The following NCKAP5 variants were observed in gnomAD, a reference collection of about 807,000 sequenced individuals.
NCKAP5 encodes the protein NCK associated protein 5, also known as nck-associated protein 5.
NCKAP5 carries 92 observed loss-of-function variants against 167.0 expected under a neutral mutation model. The ratio of observed to expected loss-of-function variants is 0.55; its 90% CI spans 0.47 to 0.66. The LOEUF is 0.66. NCKAP5 is among the 30% of genes least tolerant of loss of function. The pLI is 0.00. For synonymous variants in NCKAP5, 891 were observed against 877.4 expected (o/e 1.02, Z -0.27); for missense variants, 2,378 against 2,315.0 (o/e 1.03, Z -0.56).
the NCKAP5 span, among the ~76,000 whole-genome samples, chr2:133,632,322 A>C: frequency 6.6e-6 from 1 of 152,252 alleles, no homozygotes; most frequent in Non-Finnish European, 1.5e-5. Flanking sequence ...AGAAAAAAAC[A>C]GGTGAGCTTA....
intron 16 of NCKAP5, among the ~76,000 whole-genome samples, chr2:132,738,498 G>A (rs986525612): frequency 2.6e-5 from 4 of 152,160 alleles, no homozygotes; most frequent in East Asian, 1.9e-4. Context: ...AAAGAGTCAC[G>A]TTCCTGGGGC....
chr2:132,876,864 G>A (rs1320848676), intron 9 of NCKAP5, among the ~76,000 whole-genome samples: 3 of 152,180 alleles, frequency 2.0e-5, no homozygotes, highest in African/African-American at 7.2e-5. Flanking sequence ...GCAGGCATGG[G>A]AAACACACAA....
rs756802078 is a variant in NCKAP5, at chr2:133,143,919, CT to C, written c.208-13809del. 3.3e-5 allele frequency among the ~76,000 whole-genome samples: 5 copies of C among 152,190 alleles called. No individual in the cohort carries two copies. The East Asian group carries it at 5.8e-4, about 18-fold the overall frequency. On this transcript the variant is annotated intron_variant, in intron 5 of 19. Transcript: ENST00000409261. The stretch of plus-strand genomic sequence containing the variant: ...CCAGGAACCTAGGGCTTGACTGCCT[CT>C]CTTTACAGGTATGAAGGAGTTTCTT...
chr2:133,563,602 A>T (rs1344276730), intron 1 of NCKAP5, among the ~76,000 whole-genome samples: 1 of 142,872 alleles, frequency 7.0e-6, no homozygotes, highest in African/African-American at 2.6e-5. Flanking sequence ...AAAGATTCAG[A>T]TCTCTGAGAT....
chr2:133,119,620 G>A (rs2082190313), intron 6 of NCKAP5, among the ~76,000 whole-genome samples: 1 of 152,004 alleles, frequency 6.6e-6, no homozygotes, highest in Admixed American at 6.6e-5. Flanking sequence ...TTATACGAAT[G>A]TATTAAAATA....
At chr2:133,135,628 A>C (rs2082763098) in intron 5 of NCKAP5, among the ~76,000 whole-genome samples, 1 of 151,820 alleles carries the variant, frequency 6.6e-6, no homozygotes, top group East Asian at 1.9e-4. Context: ...TAAAATAAAT[A>C]TAATAAATTA....
intron 8 of NCKAP5, among the ~76,000 whole-genome samples, chr2:132,933,423 G>A (rs1696594469): frequency 6.6e-6 from 1 of 152,180 alleles, no homozygotes; most frequent in Non-Finnish European, 1.5e-5. Context: ...CAGTGAATGG[G>A]AAATGGAATT....
At chr2:132,831,524 A>G (rs1406376098) in intron 11 of NCKAP5, among the ~76,000 whole-genome samples, 2 of 152,086 alleles carry the variant, frequency 1.3e-5, no homozygotes, top group African/African-American at 4.8e-5. Context: ...TTTATTGGAT[A>G]TCTGCTATTT....
intron 5 of NCKAP5, among the ~76,000 whole-genome samples, chr2:133,197,602 TA>T (rs897848483): frequency 6.7e-5 from 10 of 148,464 alleles, no homozygotes; most frequent in East Asian, 2.0e-4. Context: ...GATGTTGGTT[TA>T]AAAAAAAAAC....
intron 19 of NCKAP5, among the ~76,000 whole-genome samples, chr2:132,720,727 C>T (rs533860044): frequency 6.6e-5 from 10 of 152,220 alleles, no homozygotes; most frequent in East Asian, 3.9e-4. Context: ...TCCAGGGAAC[C>T]GGCCCGGCAC....
the NCKAP5 span, among the ~76,000 whole-genome samples, chr2:133,605,045 G>C: frequency 2.6e-5 from 4 of 152,318 alleles, no homozygotes; most frequent in South Asian, 6.2e-4. Context: ...TAGGTAGGTA[G>C]AGAACATTTT....
At chr2:133,127,773 G>C (rs1246515618) in intron 6 of NCKAP5, among the ~76,000 whole-genome samples, 1 of 152,098 alleles carries the variant, frequency 6.6e-6, no homozygotes, top group Non-Finnish European at 1.5e-5. Flanking sequence ...TTGGAGGGGT[G>C]GATCTATTAT....
At chr2:132,939,916 C>T (rs1387691589) in intron 8 of NCKAP5, among the ~76,000 whole-genome samples, 1 of 152,142 alleles carries the variant, frequency 6.6e-6, no homozygotes, top group Non-Finnish European at 1.5e-5. Context: ...AGGAGAATCA[C>T]TTGAACCTGG....
chr2:133,127,954 C>A (rs998177454), intron 6 of NCKAP5, among the ~76,000 whole-genome samples: 2 of 152,088 alleles, frequency 1.3e-5, no homozygotes, highest in Non-Finnish European at 2.9e-5. Flanking sequence ...AGGAGTTGAA[C>A]TGGTGTTAAA....
chr2:133,447,106 A>T (rs1254790100), intron 3 of NCKAP5, among the ~76,000 whole-genome samples: 1 of 152,132 alleles, frequency 6.6e-6, no homozygotes, highest in East Asian at 1.9e-4. Context: ...CGTAAAAGGT[A>T]TGGCTTCATG....
the NCKAP5 span, among the ~76,000 whole-genome samples, chr2:133,595,091 G>A: frequency 6.6e-6 from 1 of 152,202 alleles, no homozygotes; most frequent in Non-Finnish European, 1.5e-5. Flanking sequence ...AGATGGCCAT[G>A]AGATGACTCC....
chr2:133,487,284 C>A (rs963641464), intron 3 of NCKAP5, among the ~76,000 whole-genome samples: 1 of 152,052 alleles, frequency 6.6e-6, no homozygotes, highest in Non-Finnish European at 1.5e-5. Flanking sequence ...GGAGGAGATG[C>A]TTTTAAACAA....
At chr2:133,307,193 G>A (rs910022428) in intron 3 of NCKAP5, among the ~76,000 whole-genome samples, 3 of 152,052 alleles carry the variant, frequency 2.0e-5, no homozygotes, top group Non-Finnish European at 4.4e-5. Context: ...AATTGACAAC[G>A]AAAACTTACA....
chr2:133,021,142 T>C (rs368008815), intron 6 of NCKAP5, among the ~76,000 whole-genome samples: 2 of 152,068 alleles, frequency 1.3e-5, no homozygotes, highest in East Asian at 1.9e-4. Context: ...CAGAAGCAAA[T>C]AGTTTCCATG....
Sources: gnomAD v4.1 joint callset for allele counts (sites outside exome capture counted in the v4.1 genomes callset) on GRCh38, gnomAD v4.1.1 for gene constraint, MANE v1.5 for transcripts, NCBI Gene and HGNC (gene_info 2026-07-23, HGNC 2026-07-21) for gene names.